The following TMEM132B variants were observed in gnomAD, a reference collection of about 807,000 sequenced individuals.
TMEM132B encodes transmembrane protein 132B.
A neutral mutation model predicts 90.8 loss-of-function variants in TMEM132B; 18 were observed. The observed-to-expected ratio is 0.20, with a 90% CI of 0.14 to 0.29. The LOEUF (loss-of-function observed/expected upper bound fraction) is 0.29. Among genes scored for constraint, TMEM132B ranks in the 10% least tolerant of loss-of-function variants. The probability of loss-of-function intolerance (pLI) is 1.00; values close to 1 mark genes in which losing one functional copy is unlikely to be tolerated. For synonymous variants in TMEM132B, 504 were observed against 523.3 expected (o/e 0.96, Z 0.50); for missense variants, 1,096 against 1,326.8 (o/e 0.83, Z 2.70).
intron 1 of TMEM132B, among the ~76,000 whole-genome samples, chr12:125,339,505 C>A (rs435956): frequency 0.86 from 130,537 of 152,220 alleles, 56,009 homozygotes; most frequent in South Asian, 0.9. Context: ...TAAATTCTGA[C>A]GATGGAACAC....
At chr12:125,330,333 CTTTT>C (rs75180932) in intron 1 of TMEM132B, among the ~76,000 whole-genome samples, 37 of 124,450 alleles carry the variant, frequency 3.0e-4, no homozygotes, top group Non-Finnish European at 3.2e-4. Flanking sequence ...TAAGGGGTTT[CTTTT>C]TTTTTTTTTT....
At chr12:125,482,700 A>T (rs1882081101) in intron 3 of TMEM132B, among the ~76,000 whole-genome samples, 1 of 152,216 alleles carries the variant, frequency 6.6e-6, no homozygotes, top group Non-Finnish European at 1.5e-5. Context: ...TTCCTCAAGG[A>T]TCTAGAACTA....
intron 1 of TMEM132B, among the ~76,000 whole-genome samples, chr12:125,306,604 G>T (rs933662516): frequency 2.0e-5 from 3 of 152,134 alleles, no homozygotes; most frequent in African/African-American, 7.2e-5. Context: ...AGCAAATCTT[G>T]TGGCTCTGTC....
chr12:125,352,536 T>C (rs1050874111), intron 2 of TMEM132B, among the ~76,000 whole-genome samples: 1 of 152,252 alleles, frequency 6.6e-6, no homozygotes, highest in Non-Finnish European at 1.5e-5. Context: ...ATTGGTATGA[T>C]AAGGATAGTG....
At chr12:125,543,343 C>A (rs1263624754) in intron 4 of TMEM132B, among the ~76,000 whole-genome samples, 1 of 152,264 alleles carries the variant, frequency 6.6e-6, no homozygotes, top group South Asian at 2.1e-4. Context: ...AACAATACAA[C>A]AATAAACAAT....
At chr12:125,418,656 A>G (rs1880090400) in intron 3 of TMEM132B, among the ~76,000 whole-genome samples, 1 of 152,234 alleles carries the variant, frequency 6.6e-6, no homozygotes, top group Non-Finnish European at 1.5e-5. Flanking sequence ...AATTGTGACA[A>G]CCTTGAGTGG....
chr12:125,655,778 T>G lies in TMEM132B; in HGVS notation c.*1068T>G, dbSNP rs2137061317. ...TAGATGCAGATTACACTTTCCATTT[T>G]ACCAGAACAAAAGTTTTTTTTTTTT... On this transcript the variant is annotated 3_prime_UTR_variant, in exon 9 of 9. Coordinates refer to ENST00000682704, the MANE Select transcript of TMEM132B (RefSeq NM_001366854.1). The G allele has an allele frequency of 6.6e-6, 1 of 150,684 alleles. No individual in the cohort carries two copies. The highest frequency in any genetic ancestry group is 3.4e-3 in the Middle Eastern group (1 of 292). 9.3% of individuals were successfully genotyped at this position (150,684 alleles called of 1,614,324 possible).
Position 125,656,424 on chromosome 12 carries a change from T to C in TMEM132B, c.*1714T>C, listed in dbSNP as rs2137063032. Reference sequence around the variant, plus strand: ...ATGACAACCCCGCCTCCTCTAGCCATGACGTGGCAGCCAAAAAGTTCTTCC... The same window carrying C: ...ATGACAACCCCGCCTCCTCTAGCCACGACGTGGCAGCCAAAAAGTTCTTCC... On this transcript the variant is annotated 3_prime_UTR_variant, in exon 9 of 9. Transcript: ENST00000682704. 1 of 152,350 alleles carries C rather than the reference T, an allele frequency of 6.6e-6. No homozygotes were observed. The highest frequency in any genetic ancestry group is 1.9e-4 in the East Asian group (1 of 5,184). The allele number at this position is 152,350 out of a possible 1,614,324, so 9.4% of individuals were successfully genotyped here.
chr12:125,629,051 G>A (rs2136989884), intron 5 of TMEM132B, among the ~76,000 whole-genome samples: 1 of 152,168 alleles, frequency 6.6e-6, no homozygotes, highest in Non-Finnish European at 1.5e-5. Context: ...GGCTGCTATA[G>A]CTCTGTAGTA....
intron 5 of TMEM132B, among the ~76,000 whole-genome samples, chr12:125,631,307 CT>C (rs1886364099): frequency 6.6e-6 from 1 of 151,962 alleles, no homozygotes; most frequent in Non-Finnish European, 1.5e-5. Context: ...CAAAATTCCT[CT>C]TGTTATTGAT....
intron 4 of TMEM132B, among the ~76,000 whole-genome samples, chr12:125,525,009 C>A (rs996638482): frequency 6.6e-6 from 1 of 151,954 alleles, no homozygotes; most frequent in African/African-American, 2.4e-5. Context: ...GTGTTCTAGG[C>A]AGATGGAATG....
At chr12:125,296,912 G>A (rs528273060) in intron 1 of TMEM132B, among the ~76,000 whole-genome samples, 12 of 152,338 alleles carry the variant, frequency 7.9e-5, no homozygotes, top group South Asian at 4.1e-4. Flanking sequence ...TCTCTTAACC[G>A]TGCACAGGAG....
intron 2 of TMEM132B, among the ~76,000 whole-genome samples, chr12:125,368,690 T>C (rs565513556): frequency 6.6e-6 from 1 of 152,332 alleles, no homozygotes; most frequent in Non-Finnish European, 1.5e-5. Flanking sequence ...GCTTTGTTCC[T>C]ATAGGACACA....
At chr12:125,423,292 A>T (rs1235523354) in intron 3 of TMEM132B, among the ~76,000 whole-genome samples, 3 of 152,232 alleles carry the variant, frequency 2.0e-5, no homozygotes, top group African/African-American at 4.8e-5. Flanking sequence ...GCCACTGGAC[A>T]CTTGGAAGAC....
chr12:125,191,261 G>A (rs1593035988), intron 1 of TMEM132B, among the ~76,000 whole-genome samples: 2 of 151,942 alleles, frequency 1.3e-5, no homozygotes, highest in South Asian at 4.1e-4. Context: ...GGGAAGGGGT[G>A]GTGATGAAAG....
intron 1 of TMEM132B, among the ~76,000 whole-genome samples, chr12:125,221,286 T>C (rs1873551686): frequency 6.6e-6 from 1 of 152,198 alleles, no homozygotes; most frequent in Admixed American, 6.5e-5. Flanking sequence ...TAAATACTAA[T>C]GGAATAATGT....
intron 1 of TMEM132B, among the ~76,000 whole-genome samples, chr12:125,339,110 G>A (rs1321619512): frequency 6.6e-6 from 1 of 152,196 alleles, no homozygotes; most frequent in Non-Finnish European, 1.5e-5. Context: ...TGATTCTAAA[G>A]TTAACTTGGA....
At chr12:125,615,095 A>G (rs530456844) in intron 5 of TMEM132B, among the ~76,000 whole-genome samples, 2 of 151,896 alleles carry the variant, frequency 1.3e-5, no homozygotes, top group Non-Finnish European at 2.9e-5. Context: ...TGCTGTTTTA[A>G]GTATTTTCTC....
chr12:125,373,092 A>G (rs1038094444), intron 2 of TMEM132B, among the ~76,000 whole-genome samples: 1 of 152,162 alleles, frequency 6.6e-6, no homozygotes, highest in African/African-American at 2.4e-5. Flanking sequence ...GAAGTTATTT[A>G]TTTGTTCACT....
Sources: gnomAD v4.1 joint callset for allele counts (sites outside exome capture counted in the v4.1 genomes callset) on GRCh38, gnomAD v4.1.1 for gene constraint, MANE v1.5 for transcripts, NCBI Gene and HGNC (gene_info 2026-07-23, HGNC 2026-07-21) for gene names.